PHTF2: variants seen among roughly 807,000 people sequenced by gnomAD.
The protein encoded by PHTF2 is putative homeodomain transcription factor 2.
PHTF2 carries 60 observed loss-of-function variants against 101.2 expected under a neutral mutation model. The observed-to-expected ratio is 0.59, with a 90% confidence interval of 0.48 to 0.73. The LOEUF is 0.73. PHTF2 is among the 30% of genes least tolerant of loss of function. PHTF2 has a pLI of 0.00. For missense variants in PHTF2, 747 were observed against 908.7 expected (o/e 0.82, Z 2.29); for synonymous variants, 311 against 307.3 (o/e 1.01, Z -0.13).
Position 77,948,345 on chromosome 7 carries a change from A to G in PHTF2, c.1960-1333A>G, listed in dbSNP as rs570921704. Among the ~76,000 whole-genome samples, 24 of 152,314 alleles carry G rather than the reference A, an allele frequency of 1.6e-4. 1 individual carries two copies. The South Asian group carries it at 1.7e-3, about 11-fold the overall frequency. ...ATATATCAATGTGGGAAGGCTTTAC[A>G]TAATGGAAATATGAGGTAAAAATGG... On this transcript the variant is annotated intron_variant, in intron 16 of 19. Transcript: ENST00000416283.
At chr7:77,874,539 G>A (rs1798777020) in intron 3 of PHTF2, among the ~76,000 whole-genome samples, 1 of 152,206 alleles carries the variant, frequency 6.6e-6, no homozygotes, top group African/African-American at 2.4e-5. Flanking sequence ...TCCAGGGCAG[G>A]AAGCATTCAG....
chr7:77,852,737 G>A (rs1389647343), intron 2 of PHTF2, among the ~76,000 whole-genome samples: 2 of 152,134 alleles, frequency 1.3e-5, no homozygotes, highest in South Asian at 4.1e-4. Context: ...TCAGATTGAA[G>A]AACTCCCTTT....
intron 1 of PHTF2, among the ~76,000 whole-genome samples, chr7:77,837,834 A>G (rs1795583397): frequency 6.6e-6 from 1 of 152,160 alleles, no homozygotes; most frequent in African/African-American, 2.4e-5. Flanking sequence ...ACATTTAAAT[A>G]TTCCCTAAAT....
At chr7:77,861,331 A>G (rs1797624718) in intron 3 of PHTF2, among the ~76,000 whole-genome samples, 1 of 152,172 alleles carries the variant, frequency 6.6e-6, no homozygotes, top group Middle Eastern at 3.2e-3. Context: ...ATAAAGGCAG[A>G]TATAGTTTCA....
chr7:77,923,865 C>A, intron 11 of PHTF2: 1 of 981,230 alleles, frequency 1.0e-6, no homozygotes, highest in Non-Finnish European at 1.2e-6. Flanking sequence ...GTATTTTAAA[C>A]GATTGAGTTT....
chr7:77,933,711 G>GTTTTTTT (rs372397795), intron 12 of PHTF2, among the ~76,000 whole-genome samples: 1 of 108,316 alleles, frequency 9.2e-6, no homozygotes, highest in African/African-American at 3.2e-5. Flanking sequence ...GGGACCATGT[G>GTTTTTTT]TTTTTTTTTT....
chr7:77,824,254 G>C (rs1794532763), intron 1 of PHTF2, among the ~76,000 whole-genome samples: 1 of 151,066 alleles, frequency 6.6e-6, no homozygotes, highest in African/African-American at 2.4e-5. Context: ...AATACATCCT[G>C]GTTTGTTTTT....
chr7:77,868,396 C>T (rs569298724), intron 3 of PHTF2, among the ~76,000 whole-genome samples: 2 of 143,788 alleles, frequency 1.4e-5, no homozygotes, highest in South Asian at 4.6e-4. Flanking sequence ...CTTGAACTCC[C>T]GGCTTCAAGC....
At chr7:77,899,895 TTC>T (rs1183394653) in intron 5 of PHTF2, among the ~76,000 whole-genome samples, 1 of 152,178 alleles carries the variant, frequency 6.6e-6, no homozygotes, top group African/African-American at 2.4e-5. Context: ...TTTGTTTGTT[TTC>T]TCTTTTTTAT....
At chr7:77,802,564 C>G (rs1249397760) in intron 1 of PHTF2, among the ~76,000 whole-genome samples, 1 of 152,116 alleles carries the variant, frequency 6.6e-6, no homozygotes, top group Non-Finnish European at 1.5e-5. Flanking sequence ...TATTTTGAGA[C>G]AGGGTCTCAT....
At chr7:77,933,063 C>G (rs1804755113) in intron 12 of PHTF2, among the ~76,000 whole-genome samples, 1 of 151,828 alleles carries the variant, frequency 6.6e-6, no homozygotes, top group African/African-American at 2.4e-5. Context: ...ACGGTGAAAC[C>G]CCATCTCTAC....
intron 1 of PHTF2, among the ~76,000 whole-genome samples, chr7:77,832,996 TC>T (rs1440951096): frequency 6.6e-6 from 1 of 151,592 alleles, no homozygotes; most frequent in Non-Finnish European, 1.5e-5. Context: ...AATAGGACAA[TC>T]GTAACAGTAT....
Position 77,828,739 on chromosome 7 carries a change from G to A in PHTF2, c.-35-11482G>A, listed in dbSNP as rs1039759472. 5.9e-5 allele frequency among the ~76,000 whole-genome samples: 9 copies of A among 152,052 alleles called. 1 individual carries two copies. The highest frequency in any genetic ancestry group is 8.8e-5 in the Non-Finnish European group (6 of 67,982). ...AAAAATTAGCTGGGCGTGGTGGTGC[G>A]CACCTGTAATCCCAGCTACTCGGGA... is the stretch of plus-strand genomic sequence containing the variant. On this transcript the variant is annotated intron_variant, in intron 1 of 19. Coordinates refer to ENST00000416283, the Ensembl canonical transcript of PHTF2.
At chr7:77,955,351 T>C (rs1806927676) in exon 20 of PHTF2, 1 of 152,772 alleles carries the variant, frequency 6.5e-6, no homozygotes, top group Admixed American at 6.5e-5. Context: ...TTGAATTATT[T>C]TGGAACAATG....
At chr7:77,899,187 C>G (rs1170509845) in intron 5 of PHTF2, among the ~76,000 whole-genome samples, 1 of 152,140 alleles carries the variant, frequency 6.6e-6, no homozygotes, top group Non-Finnish European at 1.5e-5. Flanking sequence ...GTTTTAAGCA[C>G]TATACTTGAG....
intron 1 of PHTF2, among the ~76,000 whole-genome samples, chr7:77,804,116 G>C (rs1354978672): frequency 2.0e-5 from 3 of 152,150 alleles, no homozygotes; most frequent in African/African-American, 7.2e-5. Flanking sequence ...ATAGTTATGG[G>C]AATGCTTTAA....
At chr7:77,913,121 C>G (rs549116208) in intron 9 of PHTF2, among the ~76,000 whole-genome samples, 1 of 152,190 alleles carries the variant, frequency 6.6e-6, no homozygotes, top group South Asian at 2.1e-4. Context: ...GGCACGGTGG[C>G]TCATGCCTGT....
chr7:77,848,474 T>C (rs1445029286), intron 2 of PHTF2, among the ~76,000 whole-genome samples: 5 of 152,232 alleles, frequency 3.3e-5, no homozygotes, highest in African/African-American at 1.2e-4. Flanking sequence ...GTGAAGCACC[T>C]TTTCATATAC....
intron 1 of PHTF2, among the ~76,000 whole-genome samples, chr7:77,822,564 T>C (rs946772987): frequency 6.6e-6 from 1 of 152,104 alleles, no homozygotes; most frequent in East Asian, 1.9e-4. Flanking sequence ...GGGATTCTCC[T>C]GTAGTAAGGA....
Sources: allele counts gnomAD v4.1 joint callset (sites outside exome capture counted in the v4.1 genomes callset), GRCh38; gene constraint gnomAD v4.1.1; transcripts MANE v1.5; gene names NCBI Gene and HGNC (gene_info 2026-07-23, HGNC 2026-07-21).